Variants in WDFY4 observed in about 807,000 individuals in gnomAD.
WDFY4 encodes the protein WDFY family member 4.
Under a neutral mutation model 351.9 loss-of-function variants are expected in WDFY4, and 169 were observed. The ratio of observed to expected loss-of-function variants is 0.48; its 90% CI spans 0.42 to 0.55. The LOEUF (loss-of-function observed/expected upper bound fraction) is 0.55, where lower values mean the gene tolerates loss of function less well. Among genes scored for constraint, WDFY4 ranks in the 20% least tolerant of loss-of-function variants. The pLI is 0.00. For synonymous variants in WDFY4, 1,622 were observed against 1,574.6 expected (o/e 1.03, Z -0.71); for missense variants, 3,803 against 3,935.6 (o/e 0.97, Z 0.90).
At chr10:48,750,452 C>G (rs1057208233) in intron 12 of WDFY4, among the ~76,000 whole-genome samples, 1 of 152,184 alleles carries the variant, frequency 6.6e-6, no homozygotes, top group African/African-American at 2.4e-5. Flanking sequence ...CCTGGGATGC[C>G]TTTCCTGTCT....
Position 48,879,285 on chromosome 10 carries a change from G to A in WDFY4, c.7167+2086G>A, listed in dbSNP as rs79710923. ...TTTAATTGCCATGGCCAGGGCGAGA[G>A]GATGCTCCTGGTGTCTAGTGGGCAG... On this transcript the variant is annotated intron_variant, in intron 43 of 61. Transcript: ENST00000325239. 6.4e-3 allele frequency among the ~76,000 whole-genome samples: 968 copies of A among 152,302 alleles called. 11 individuals are homozygous for A. Among genetic ancestry groups the A allele is most frequent in the African/African-American group, 0.022 (912 of 41,570 alleles).
At chr10:48,724,689 C>T (rs1476118236) in intron 5 of WDFY4, among the ~76,000 whole-genome samples, 1 of 152,050 alleles carries the variant, frequency 6.6e-6, no homozygotes, top group South Asian at 2.1e-4. Context: ...TATACAGAGC[C>T]CCTACTGTGC....
At chr10:48,937,566 A>G (rs1176358399) in intron 47 of WDFY4, among the ~76,000 whole-genome samples, 7 of 152,334 alleles carry the variant, frequency 4.6e-5, no homozygotes, top group Middle Eastern at 3.4e-3. Context: ...AATGGAAATT[A>G]TGGTAACCTC....
intron 2 of WDFY4, among the ~76,000 whole-genome samples, chr10:48,711,208 C>T (rs916620918): frequency 6.6e-6 from 1 of 152,194 alleles, no homozygotes. Context: ...GCATTCCATA[C>T]TTAGCATTAA....
chr10:48,763,785 A>C (rs570143935), intron 13 of WDFY4, among the ~76,000 whole-genome samples: 1 of 152,358 alleles, frequency 6.6e-6, no homozygotes, highest in Non-Finnish European at 1.5e-5. Flanking sequence ...ATGCAAATGA[A>C]ATGTAGTGCA....
intron 47 of WDFY4, among the ~76,000 whole-genome samples, chr10:48,915,377 C>A (rs2133525829): frequency 6.6e-6 from 1 of 151,796 alleles, no homozygotes. Flanking sequence ...TCTGGGACCC[C>A]CTTTTCTTTT....
chr10:48,885,279 TCAAATAAATGCCC>T (rs2070408828), intron 43 of WDFY4, among the ~76,000 whole-genome samples: 1 of 152,232 alleles, frequency 6.6e-6, no homozygotes, highest in Admixed American at 6.5e-5. Flanking sequence ...TACTAACTTT[TCAAATAAATGCCC>T]CAAATCCATG....
At chr10:48,906,710 C>G (rs1004086402) in intron 47 of WDFY4, among the ~76,000 whole-genome samples, 1 of 152,244 alleles carries the variant, frequency 6.6e-6, no homozygotes, top group African/African-American at 2.4e-5. Context: ...CATCCTCACA[C>G]TTAAATGTAC....
At chr10:48,875,049 A>T in intron 41 of WDFY4, 40 bp from the exon 42 acceptor site, 1 of 1,312,474 alleles carries the variant, frequency 7.6e-7, no homozygotes, top group Non-Finnish European at 1.0e-6. Context: ...TAGATGTAGC[A>T]TCCAGGATTT....
intron 35 of WDFY4, among the ~76,000 whole-genome samples, chr10:48,825,467 A>G (rs1040625434): frequency 4.1e-4 from 62 of 152,200 alleles, no homozygotes; most frequent in Non-Finnish European, 8.8e-5. Flanking sequence ...TCCTTTGGGT[A>G]TATACCCAGT....
chr10:48,711,339 A>G (rs1017971596), intron 2 of WDFY4, among the ~76,000 whole-genome samples: 25 of 152,340 alleles, frequency 1.6e-4, no homozygotes, highest in African/African-American at 5.8e-4. Flanking sequence ...AAAGATAGCT[A>G]AAGATTCTCA....
chr10:48,961,317 C>G (rs1316064547), intron 53 of WDFY4, among the ~76,000 whole-genome samples: 1 of 152,160 alleles, frequency 6.6e-6, no homozygotes, highest in Non-Finnish European at 1.5e-5. Context: ...ACACATGATT[C>G]AATTGACCAG....
chr10:48,749,186 T>C (rs979526885), intron 12 of WDFY4, among the ~76,000 whole-genome samples: 1 of 152,188 alleles, frequency 6.6e-6, no homozygotes, highest in Non-Finnish European at 1.5e-5. Context: ...TTAAGGAATA[T>C]TTTTCATAAC....
At chr10:48,959,566 G>A (rs868815395) in intron 52 of WDFY4, among the ~76,000 whole-genome samples, 156 bp from the exon 53 acceptor site, 8 of 152,222 alleles carry the variant, frequency 5.3e-5, no homozygotes, top group Non-Finnish European at 8.8e-5. Flanking sequence ...GGTCATTCCA[G>A]GCAGAGAAGA....
chr10:48,734,906 GCTGGGA>G (rs1160366067), intron 10 of WDFY4, among the ~76,000 whole-genome samples: 2 of 150,700 alleles, frequency 1.3e-5, no homozygotes, highest in African/African-American at 4.9e-5. Context: ...CTCCCGAGTA[GCTGGGA>G]CTACAGGCGC....
intron 5 of WDFY4, 21 bp from the exon 6 acceptor site, chr10:48,725,860 G>T (rs182995995): frequency 6.5e-7 from 1 of 1,531,540 alleles, no homozygotes; most frequent in Non-Finnish European, 8.8e-7. Context: ...CTCCTTGACT[G>T]TTTATCTTCT....
In WDFY4 at chr10:48,828,848, A is replaced by C. The variant is rs542344075; in HGVS notation, c.6292A>C (p.Asn2098His). Reference sequence around the variant, plus strand: ...TTATCATCAAGTCTTCCTTTCCCCAAATGAAGACGTGAAAGAAAAAAGAGA... The same window carrying C: ...TTATCATCAAGTCTTCCTTTCCCCACATGAAGACGTGAAAGAAAAAAGAGA... ...STYHQVFLSP[N>H]EDVKEKREDL... Residue 2098 changes from asparagine (N) to histidine (H), a missense_variant, in exon 37 of 62, where the codon AAT (asparagine) becomes CAT (histidine). Physicochemically the swap from Asn to His is moderately conservative, Grantham distance 68. Coordinates refer to ENST00000325239, the MANE Select transcript of WDFY4 (RefSeq NM_001394531.1). The C allele has an allele frequency of 8.8e-5, 135 of 1,526,934 alleles. No homozygotes were observed. The South Asian group carries it at 1.5e-3, about 17-fold the overall frequency. 94.6% of individuals were successfully genotyped at this position (1,526,934 alleles called of 1,614,324 possible).
At chr10:48,802,116 T>C (rs2067107144) in intron 24 of WDFY4, among the ~76,000 whole-genome samples, 1 of 151,602 alleles carries the variant, frequency 6.6e-6, no homozygotes, top group Non-Finnish European at 1.5e-5. Context: ...GGCTCACACC[T>C]GTAATCCTAG....
At chr10:48,915,281 A>G (rs189294072) in intron 47 of WDFY4, among the ~76,000 whole-genome samples, 5 of 152,328 alleles carry the variant, frequency 3.3e-5, no homozygotes, top group Admixed American at 3.3e-4. Flanking sequence ...CAAGGTCCAC[A>G]GCATTACCCT....
Sources: gnomAD v4.1 joint callset for allele counts (sites outside exome capture counted in the v4.1 genomes callset) on GRCh38, gnomAD v4.1.1 for gene constraint, MANE v1.5 for transcripts, NCBI Gene and HGNC (gene_info 2026-07-23, HGNC 2026-07-21) for gene names.